The following RBFOX1 variants were observed in gnomAD, a reference collection of about 807,000 sequenced individuals.
RBFOX1 encodes RNA binding protein fox-1 homolog 1.
Under a neutral mutation model 57.7 loss-of-function variants are expected in RBFOX1, and 8 were observed. The observed-to-expected ratio is 0.14, with a 90% CI of 0.08 to 0.25. RBFOX1 has a LOEUF of 0.25. Ranked by LOEUF, RBFOX1 falls within the 10% of genes least tolerant of loss-of-function variation. The pLI is 1.00. For missense variants in RBFOX1, 611 were observed against 548.5 expected, an observed-to-expected ratio of 1.11 and a Z score of -1.14; for synonymous variants, 326 against 222.4, an observed-to-expected ratio of 1.47 and a Z score of -4.15.
chr16:5,715,639 T>C (rs1199688264), intron 3 of RBFOX1, among the ~76,000 whole-genome samples: 1 of 152,212 alleles, frequency 6.6e-6, no homozygotes, highest in Non-Finnish European at 1.5e-5. Context: ...GTGCTGTCTC[T>C]TCTAGGTCAA....
intron 2 of RBFOX1, among the ~76,000 whole-genome samples, chr16:6,544,627 C>T (rs7189251): frequency 0.98 from 149,569 of 152,292 alleles, 73,511 homozygotes; most frequent in Middle Eastern, 1. Context: ...ATATAAGAGA[C>T]TGGATGGATT....
At chr16:6,925,767 C>T (rs1468769082) in intron 3 of RBFOX1, among the ~76,000 whole-genome samples, 5 of 151,726 alleles carry the variant, frequency 3.3e-5, no homozygotes, top group South Asian at 4.2e-4. Context: ...CGGGAAATCC[C>T]CCAGGTAGGG....
intron 4 of RBFOX1, among the ~76,000 whole-genome samples, chr16:7,293,457 C>T (rs147453490): frequency 6.6e-6 from 1 of 152,164 alleles, no homozygotes; most frequent in African/African-American, 2.4e-5. Flanking sequence ...CTTCCATTCT[C>T]TCTGCCACCA....
chr16:5,256,979 C>T (rs967286508), intron 1 of RBFOX1, among the ~76,000 whole-genome samples: 3 of 151,904 alleles, frequency 2.0e-5, no homozygotes, highest in Non-Finnish European at 2.9e-5. Context: ...CTCCATCTCT[C>T]TCCTGGGGGA....
intron 3 of RBFOX1, among the ~76,000 whole-genome samples, chr16:6,673,620 A>T (rs1020642447): frequency 6.6e-6 from 1 of 152,100 alleles, no homozygotes; most frequent in Non-Finnish European, 1.5e-5. Flanking sequence ...ATATATAGAT[A>T]TGTATTGAAC....
At chr16:6,697,964 ATTGGTC>A (rs2061301915) in intron 3 of RBFOX1, among the ~76,000 whole-genome samples, 1 of 152,140 alleles carries the variant, frequency 6.6e-6, no homozygotes, top group South Asian at 2.1e-4. Context: ...CAGAGAGTTG[ATTGGTC>A]TATGGTATGT....
chr16:7,368,172 C>T (rs1007532738), intron 4 of RBFOX1, among the ~76,000 whole-genome samples: 1 of 150,758 alleles, frequency 6.6e-6, no homozygotes, highest in African/African-American at 2.4e-5. Context: ...GAGGCTGAGG[C>T]AGGAGGATCG....
intron 3 of RBFOX1, among the ~76,000 whole-genome samples, chr16:5,641,048 A>G (rs2048852937): frequency 6.6e-6 from 1 of 151,298 alleles, no homozygotes; most frequent in African/African-American, 2.4e-5. Flanking sequence ...GCACACACAT[A>G]TGCACATACA....
chr16:5,372,413 C>T (rs1018140160), intron 1 of RBFOX1, among the ~76,000 whole-genome samples: 5 of 152,034 alleles, frequency 3.3e-5, no homozygotes, highest in African/African-American at 1.2e-4. Flanking sequence ...ATGGAAATGA[C>T]CCAGTCTCAA....
chr16:5,795,095 G>C (rs745671920), intron 3 of RBFOX1, among the ~76,000 whole-genome samples: 1 of 152,128 alleles, frequency 6.6e-6, no homozygotes, highest in African/African-American at 2.4e-5. Flanking sequence ...GTGGAGAATG[G>C]GAAAAGAAAT....
intron 3 of RBFOX1, among the ~76,000 whole-genome samples, chr16:5,725,205 G>A (rs764403198): frequency 1.8e-4 from 28 of 152,128 alleles, no homozygotes; most frequent in Non-Finnish European, 3.2e-4. Context: ...CCCTTGTGCT[G>A]TGTGCCCTCT....
At chr16:6,834,167 C>T (rs1288073632) in intron 3 of RBFOX1, among the ~76,000 whole-genome samples, 4 of 152,020 alleles carry the variant, frequency 2.6e-5, no homozygotes, top group East Asian at 1.9e-4. Context: ...TCCGCCTCCC[C>T]AGTTCAAGTG....
intron 4 of RBFOX1, among the ~76,000 whole-genome samples, chr16:5,959,585 A>T (rs1474914872): frequency 6.6e-6 from 1 of 152,248 alleles, no homozygotes; most frequent in East Asian, 1.9e-4. Flanking sequence ...GATGAAGGAA[A>T]AAAACACATG....
intron 1 of RBFOX1, among the ~76,000 whole-genome samples, chr16:6,069,139 A>T (rs1391195327): frequency 6.6e-6 from 1 of 152,090 alleles, no homozygotes; most frequent in South Asian, 2.1e-4. Context: ...CGGCTGACGC[A>T]TGTAATCCCA....
At chr16:7,355,287 T>G (rs192897473) in intron 4 of RBFOX1, among the ~76,000 whole-genome samples, 11 of 152,316 alleles carry the variant, frequency 7.2e-5, no homozygotes, top group Non-Finnish European at 5.9e-5. Flanking sequence ...AGTCCCTCTG[T>G]CAAGGTCTCT....
intron 3 of RBFOX1, among the ~76,000 whole-genome samples, chr16:7,040,958 C>G (rs990298928): frequency 2.6e-5 from 4 of 151,702 alleles, no homozygotes; most frequent in African/African-American, 7.3e-5. Flanking sequence ...CTCTGTCCCC[C>G]AGGCTGGAGT....
chr16:5,334,413 C>T (rs148552425), intron 1 of RBFOX1, among the ~76,000 whole-genome samples: 2 of 152,100 alleles, frequency 1.3e-5, no homozygotes, highest in South Asian at 2.1e-4. Context: ...GGCTATGTTC[C>T]TGCTCTGTCA....
intron 4 of RBFOX1, among the ~76,000 whole-genome samples, chr16:7,107,142 C>T (rs764392921): frequency 2.0e-5 from 3 of 152,098 alleles, no homozygotes; most frequent in Admixed American, 2.0e-4. Context: ...AATGCAAGAA[C>T]ATTGTATCCA....
At chr16:7,382,016 G>C (rs1042571122) in intron 4 of RBFOX1, among the ~76,000 whole-genome samples, 1 of 152,252 alleles carries the variant, frequency 6.6e-6, no homozygotes, top group Admixed American at 6.5e-5. Flanking sequence ...GGATTCTTAA[G>C]TTGTCTGAAG....
Sources: gnomAD v4.1 joint callset for allele counts (sites outside exome capture counted in the v4.1 genomes callset) on GRCh38, gnomAD v4.1.1 for gene constraint, MANE v1.5 for transcripts, NCBI Gene and HGNC (gene_info 2026-07-23, HGNC 2026-07-21) for gene names.